MEI4: variants seen among roughly 807,000 people sequenced by gnomAD.
The protein encoded by MEI4 is meiotic double-stranded break formation protein 4.
Under a neutral mutation model 31.4 loss-of-function variants are expected in MEI4, and 27 were observed. The observed-to-expected ratio is 0.86, with a 90% confidence interval of 0.63 to 1.19. The LOEUF is 1.19. MEI4 is among the 50% of genes most tolerant of loss of function. MEI4 has a pLI of 0.00. For missense variants in MEI4, 329 were observed against 398.9 expected (o/e 0.82, Z 1.49); for synonymous variants, 122 against 145.4 (o/e 0.84, Z 1.16).
At chr6:77,894,446 A>T (rs9448243) in intron 4 of MEI4, among the ~76,000 whole-genome samples, 58,796 of 151,828 alleles carry the variant, frequency 0.39, 12,354 homozygotes, top group African/African-American at 0.57. Flanking sequence ...CGGAATACAT[A>T]CAGCTTTTTT....
chr6:77,678,291 G>A (rs1344278776), intron 1 of MEI4, among the ~76,000 whole-genome samples: 1 of 152,190 alleles, frequency 6.6e-6, no homozygotes, highest in Non-Finnish European at 1.5e-5. Flanking sequence ...GGGAACCAAG[G>A]CCTGGCTGTG....
intron 3 of MEI4, among the ~76,000 whole-genome samples, chr6:77,799,855 T>G (rs915151478): frequency 5.9e-5 from 9 of 152,180 alleles, no homozygotes; most frequent in African/African-American, 9.7e-5. Context: ...TTCGTCTATA[T>G]CTCTGCTTTG....
rs1363977069 is a variant in MEI4, at chr6:77,897,874, GTACTC to G, written c.901-25213_901-25209del. Among the ~76,000 whole-genome samples, 3 of 151,808 alleles carry G rather than the reference GTACTC, an allele frequency of 2.0e-5. No individual in the cohort carries two copies. In the South Asian group the frequency reaches 6.2e-4, roughly 31 times the overall value. ...TCTAGGAAATTTCCCCTAATTAACTGTACTCTGCTCTAACCAGAGCTTTATACTCC... is the reference window on the plus strand; with the variant it reads ...TCTAGGAAATTTCCCCTAATTAACTGTGCTCTAACCAGAGCTTTATACTCC... On this transcript the variant is annotated intron_variant, in intron 4 of 4. Coordinates refer to ENST00000684080, the MANE Select transcript of MEI4 (RefSeq NM_001322247.2).
chr6:77,868,514 T>TATATATATATATATATAG (rs1398335273), intron 4 of MEI4, among the ~76,000 whole-genome samples: 1 of 129,682 alleles, frequency 7.7e-6, no homozygotes, highest in Admixed American at 7.7e-5. Context: ...TATATATATA[T>TATATATATATATATATAG]ATATATATAT....
At position 77,769,441 on chromosome 6, in the gene MEI4, A is replaced by G. The variant is rs140853324; in HGVS notation, c.768+7776A>G. Among the ~76,000 whole-genome samples, 513 of 152,272 alleles carry G rather than the reference A, an allele frequency of 3.4e-3. 2 individuals are homozygous for G. The highest frequency in any genetic ancestry group is 0.012 in the African/African-American group (500 of 41,550). On this transcript the variant is annotated intron_variant, in intron 3 of 4. Transcript: ENST00000684080. Reference sequence around the variant, plus strand: ...AGGCAACCTAGACCACAAGGACTGCAATTCCTGCACAAGTCCTGGTGCTGT... The same window carrying G: ...AGGCAACCTAGACCACAAGGACTGCGATTCCTGCACAAGTCCTGGTGCTGT...
rs1766821020 is a variant in MEI4, at chr6:77,925,461, A to G, written c.*2115A>G. 1 of 151,790 alleles carries G rather than the reference A, an allele frequency of 6.6e-6. No homozygotes were observed. Among genetic ancestry groups the G allele is most frequent in the Admixed American group, 6.6e-5 (1 of 15,172 alleles). The allele number at this position is 151,790 out of a possible 1,614,324, so 9.4% of individuals were successfully genotyped here. A position where few individuals can be genotyped will look rare whatever the true frequency, so the allele number is the denominator to read the frequency against. On this transcript the variant is annotated 3_prime_UTR_variant, in exon 5 of 5. Coordinates refer to ENST00000684080, the MANE Select transcript of MEI4 (RefSeq NM_001322247.2). ...CAAATCTACTGGTCAAAAAGAAGAT[A>G]AAATGATAAAATGAGACATTTTTAT...
chr6:77,918,984 G>T (rs1241832149), intron 4 of MEI4, among the ~76,000 whole-genome samples: 2 of 151,960 alleles, frequency 1.3e-5, no homozygotes, highest in African/African-American at 4.8e-5. Flanking sequence ...ATGAAGGGTT[G>T]TTGAATTATA....
At chr6:77,658,581 C>A (rs151099829) in intron 1 of MEI4, among the ~76,000 whole-genome samples, 4 of 151,756 alleles carry the variant, frequency 2.6e-5, no homozygotes, top group Non-Finnish European at 5.9e-5. Context: ...CTGTTTCAAG[C>A]GGGATTAGGG....
chr6:77,740,104 A>T (rs1767360277), intron 2 of MEI4, among the ~76,000 whole-genome samples: 1 of 152,102 alleles, frequency 6.6e-6, no homozygotes, highest in South Asian at 2.1e-4. Context: ...ATGTAACTGT[A>T]TGGTTTTGAG....
intron 4 of MEI4, among the ~76,000 whole-genome samples, chr6:77,839,432 G>C (rs1038039590): frequency 1.3e-5 from 2 of 152,118 alleles, no homozygotes; most frequent in African/African-American, 2.4e-5. Flanking sequence ...CTGGAGTAGA[G>C]AGAGTTGGAG....
Position 77,755,813 on chromosome 6 carries a change from T to C in MEI4, c.233-5317T>C, listed in dbSNP as rs560038728. ...AAAACATGAAACAATATGTGTCAAATTGTGCTGGAATGGTGTGTGTGTGTG... is the reference window on the plus strand; with the variant it reads ...AAAACATGAAACAATATGTGTCAAACTGTGCTGGAATGGTGTGTGTGTGTG... On this transcript the variant is annotated intron_variant, in intron 2 of 4. Transcript: ENST00000684080. Among the ~76,000 whole-genome samples the C allele has an allele frequency of 1.5e-3, 211 of 144,352 alleles. 1 individual carries two copies. The highest frequency in any genetic ancestry group is 4.9e-3 in the African/African-American group (185 of 37,734). The allele number at this position is 144,352 out of a possible 152,430, so 94.7% of individuals were successfully genotyped here.
intron 4 of MEI4, among the ~76,000 whole-genome samples, chr6:77,853,252 A>G (rs996367404): frequency 4.6e-5 from 7 of 152,206 alleles, no homozygotes; most frequent in Non-Finnish European, 8.8e-5. Flanking sequence ...ATGGTTTTCT[A>G]ATACCTAGAG....
In MEI4 at chr6:77,788,653, A is replaced by G. The variant is rs545125073; in HGVS notation, c.768+26988A>G. ...AATCATGAGTGAACTCCCATTCACA[A>G]TTGCTTCAAAGAGAATAAAATACCT... On this transcript the variant is annotated intron_variant, in intron 3 of 4. Coordinates refer to ENST00000684080, the MANE Select transcript of MEI4 (RefSeq NM_001322247.2). 2.6e-5 allele frequency among the ~76,000 whole-genome samples: 4 copies of G among 152,264 alleles called. No homozygotes were observed. In the East Asian group the frequency reaches 7.7e-4, roughly 29 times the overall value.
chr6:77,741,917 G>C (rs544250956), intron 2 of MEI4, among the ~76,000 whole-genome samples: 1 of 151,444 alleles, frequency 6.6e-6, no homozygotes, highest in Non-Finnish European at 1.5e-5. Context: ...ATGATCTCCA[G>C]TTTCATCCAT....
At chr6:77,906,701 A>G (rs553253767) in intron 4 of MEI4, among the ~76,000 whole-genome samples, 11 of 152,292 alleles carry the variant, frequency 7.2e-5, no homozygotes, top group Non-Finnish European at 1.5e-4. Flanking sequence ...ATAGGCTTGC[A>G]GGGAGGGAAT....
chr6:77,701,031 T>C (rs1766210361), intron 2 of MEI4, among the ~76,000 whole-genome samples: 3 of 152,226 alleles, frequency 2.0e-5, no homozygotes, highest in Non-Finnish European at 4.4e-5. Context: ...TTTTTTGTGA[T>C]GTGTGGCAGG....
At position 77,801,015 on chromosome 6, in the gene MEI4, T is replaced by A. The variant is rs569856128; in HGVS notation, c.769-27916T>A. ...GATGATGCTGGCCTCATAAAATGAGTTAGGGAGGATTCCCTCTTTTTCTAT... is the reference window on the plus strand; with the variant it reads ...GATGATGCTGGCCTCATAAAATGAGATAGGGAGGATTCCCTCTTTTTCTAT... On this transcript the variant is annotated intron_variant, in intron 3 of 4. Coordinates refer to ENST00000684080, the MANE Select transcript of MEI4 (RefSeq NM_001322247.2). 4.8e-4 allele frequency among the ~76,000 whole-genome samples: 73 copies of A among 151,776 alleles called. 1 individual carries two copies. The East Asian group carries it at 0.015, about 30-fold the overall frequency.
chr6:77,843,590 G>A (rs974252918), intron 4 of MEI4, among the ~76,000 whole-genome samples: 2 of 151,502 alleles, frequency 1.3e-5, no homozygotes, highest in African/African-American at 4.8e-5. Flanking sequence ...CTGAACCTCT[G>A]GCTAGTTCGT....
chr6:77,875,909 A>G (rs929657289), intron 4 of MEI4, among the ~76,000 whole-genome samples: 1 of 152,148 alleles, frequency 6.6e-6, no homozygotes, highest in Non-Finnish European at 1.5e-5. Context: ...TTTGACAAAG[A>G]AATTGTAATC....
Sources: allele counts gnomAD v4.1 joint callset (sites outside exome capture counted in the v4.1 genomes callset), GRCh38; gene constraint gnomAD v4.1.1; transcripts MANE v1.5; gene names NCBI Gene and HGNC (gene_info 2026-07-23, HGNC 2026-07-21).